Variants in PROS1 observed in about 807,000 individuals in gnomAD.
PROS1 encodes vitamin K-dependent protein S.
In PROS1, 29 loss-of-function variants were observed where a neutral mutation model predicts 75.9. The ratio of observed to expected loss-of-function variants is 0.38; its 90% CI spans 0.28 to 0.52. The LOEUF (loss-of-function observed/expected upper bound fraction) is 0.52, where lower values mean the gene tolerates loss of function less well. PROS1 is among the 20% of genes least tolerant of loss of function. PROS1 has a pLI of 0.83. For missense variants in PROS1, 680 were observed against 810.3 expected (o/e 0.84, Z 1.95); for synonymous variants, 245 against 280.6 (o/e 0.87, Z 1.27).
At chr3:93,917,263 GT>G (rs1708869710) in intron 3 of PROS1, among the ~76,000 whole-genome samples, 1 of 150,174 alleles carries the variant, frequency 6.7e-6, no homozygotes, top group Admixed American at 6.6e-5. Flanking sequence ...GGGTTATGTG[GT>G]TTTTGTTTTT....
At chr3:93,949,182 T>G (rs923926758) in intron 1 of PROS1, among the ~76,000 whole-genome samples, 8 of 152,120 alleles carry the variant, frequency 5.3e-5, no homozygotes, top group Non-Finnish European at 7.3e-5. Context: ...TCATCAACAT[T>G]TAAGCTAAGC....
Position 93,902,888 on chromosome 3 carries a change from GGTTT to G in PROS1, c.602-1963_602-1960del, listed in dbSNP as rs373959612. ...TTGTAATAGTGTTTTTTGTGGTTTT[GGTTT>G]GTTTGTTTGTTTGTTTGTTTTGAGA... On this transcript the variant is annotated intron_variant, in intron 6 of 14. Coordinates refer to ENST00000394236, the MANE Select transcript of PROS1 (RefSeq NM_000313.4). Among the ~76,000 whole-genome samples the G allele has an allele frequency of 7.1e-3, 1,079 of 152,014 alleles. 9 individuals carry two copies. Among genetic ancestry groups the G allele is most frequent in the African/African-American group, 0.024 (998 of 41,482 alleles).
At chr3:93,952,363 A>G (rs1365088508) in intron 1 of PROS1, among the ~76,000 whole-genome samples, 1 of 152,186 alleles carries the variant, frequency 6.6e-6, no homozygotes, top group African/African-American at 2.4e-5. Context: ...AAGAACAGAA[A>G]TTATAACAAA....
At chr3:93,962,208 T>C (rs149565252) in intron 1 of PROS1, among the ~76,000 whole-genome samples, 72 of 152,126 alleles carry the variant, frequency 4.7e-4, no homozygotes, top group Admixed American at 3.7e-3. Flanking sequence ...CTGGGGTGTG[T>C]GTAGTGATCA....
Position 93,884,857 on chromosome 3 carries a change from A to C in PROS1, c.1363T>G (p.Leu455Val), listed in dbSNP as rs1297691090. Residue 455 changes from leucine to valine, a missense_variant, in exon 12 of 15, where the codon TTG becomes GTG. By Grantham distance (32) the Leu-to-Val change is conservative. Coordinates refer to ENST00000394236, the MANE Select transcript of PROS1 (RefSeq NM_000313.4). Reference protein sequence around the residue: ...RLDGCIRSWNLMKQGASGIKE... With the variant: ...RLDGCIRSWNVMKQGASGIKE... ...ATTCCAGAAGCTCCTTGCTTCATCA[A>C]ATTCCAGCTTCGTATACATCCATCT... 6.2e-7 allele frequency: 1 copy of C among 1,613,360 alleles called. No homozygotes were observed. The highest frequency in any genetic ancestry group is 8.5e-7 in the Non-Finnish European group (1 of 1,179,746).
intron 13 of PROS1, among the ~76,000 whole-genome samples, chr3:93,877,994 A>G (rs1708216727): frequency 6.6e-6 from 1 of 152,178 alleles, no homozygotes; most frequent in Admixed American, 6.5e-5. Flanking sequence ...ATTAAAAGAG[A>G]TTGTCAATAA....
intron 1 of PROS1, among the ~76,000 whole-genome samples, chr3:93,947,724 A>G (rs1454441034): frequency 2.0e-5 from 3 of 151,186 alleles, no homozygotes; most frequent in Non-Finnish European, 2.9e-5. Context: ...CTGCCACCAC[A>G]CCCGGCTAAT....
intron 10 of PROS1, among the ~76,000 whole-genome samples, chr3:93,891,685 C>T (rs558369903): frequency 2.0e-5 from 3 of 152,268 alleles, no homozygotes; most frequent in African/African-American, 7.2e-5. Flanking sequence ...GCTGGGATTA[C>T]AGGCATGAGC....
intron 9 of PROS1, among the ~76,000 whole-genome samples, chr3:93,893,840 T>C (rs888944855): frequency 1.1e-4 from 17 of 152,170 alleles, no homozygotes; most frequent in African/African-American, 3.9e-4. Context: ...AGTCTACCCA[T>C]GTGTTTGGGG....
chr3:93,971,410 T>G (rs1049839953), intron 1 of PROS1, among the ~76,000 whole-genome samples: 1 of 150,736 alleles, frequency 6.6e-6, no homozygotes, highest in African/African-American at 2.4e-5. Flanking sequence ...TAATTCTAAA[T>G]AAAGAACTAC....
intron 1 of PROS1, among the ~76,000 whole-genome samples, chr3:93,968,831 C>A (rs1709827931): frequency 6.6e-6 from 1 of 152,128 alleles, no homozygotes; most frequent in Non-Finnish European, 1.5e-5. Flanking sequence ...AGGTGTGAAG[C>A]CCCTCCAGGA....
intron 12 of PROS1, among the ~76,000 whole-genome samples, chr3:93,880,931 TA>T: frequency 6.6e-6 from 1 of 152,324 alleles, no homozygotes; most frequent in South Asian, 2.1e-4. Flanking sequence ...ACCCCATTTA[TA>T]ACTTTAAAAA....
chr3:93,911,399 T>C (rs76444006), intron 3 of PROS1, among the ~76,000 whole-genome samples: 115 of 152,360 alleles, frequency 7.5e-4, no homozygotes, highest in Non-Finnish European at 1.4e-3. Flanking sequence ...AGACACCATA[T>C]GTATTACTTC....
intron 1 of PROS1, among the ~76,000 whole-genome samples, chr3:93,957,350 T>C (rs1559951550): frequency 6.6e-6 from 1 of 152,222 alleles, no homozygotes; most frequent in Non-Finnish European, 1.5e-5. Flanking sequence ...TGGTCAGTGG[T>C]ACTACAGATG....
In PROS1 at chr3:93,912,116, G is replaced by A. The variant is rs572933324; in HGVS notation, c.260-1411C>T. Among the ~76,000 whole-genome samples the A allele has an allele frequency of 4.6e-3, 697 of 152,230 alleles. 3 individuals carry two copies. Among genetic ancestry groups the A allele is most frequent in the Non-Finnish European group, 7.5e-3 (513 of 68,012 alleles). On this transcript the variant is annotated intron_variant, in intron 3 of 14. Transcript: ENST00000394236. Reference sequence around the variant, plus strand: ...GTGCCGAGAGTCCAAAACCAAAAGGGCTAGCAGGGATCCATTCCTTCTGGA... The same window carrying A: ...GTGCCGAGAGTCCAAAACCAAAAGGACTAGCAGGGATCCATTCCTTCTGGA...
chr3:93,956,533 T>TACACACAC (rs758070649), intron 1 of PROS1, among the ~76,000 whole-genome samples: 343 of 113,278 alleles, frequency 3.0e-3, no homozygotes, highest in Non-Finnish European at 3.7e-3. Context: ...TCTCTCTCTC[T>TACACACAC]ACACACACAC....
In PROS1 at chr3:93,877,197, G is replaced by A. The variant is rs1449484860; in HGVS notation, c.1645-6C>T. On this transcript the variant is annotated splice_polypyrimidine_tract_variant and splice_region_variant and intron_variant, in intron 13 of 14. Coordinates refer to ENST00000394236, the MANE Select transcript of PROS1 (RefSeq NM_000313.4). ...TCAACAGATAACAGAATATCCTGAA[G>A]AGCAGAGCAAAGATTCAATATAAGC... The A allele has an allele frequency of 3.8e-6, 6 of 1,576,130 alleles. No homozygotes were observed. The highest frequency in any genetic ancestry group is 1.7e-5 in the Admixed American group (1 of 59,892).
chr3:93,950,788 A>T (rs954998235), intron 1 of PROS1, among the ~76,000 whole-genome samples: 3 of 152,190 alleles, frequency 2.0e-5, no homozygotes, highest in Non-Finnish European at 4.4e-5. Context: ...TTCTCCTCCA[A>T]AGGAATGCAG....
intron 2 of PROS1, among the ~76,000 whole-genome samples, chr3:93,927,044 C>G (rs1709028661): frequency 6.6e-6 from 1 of 152,160 alleles, no homozygotes. Context: ...TTAGTCAGAA[C>G]AAGCTGTTAT....
Sources: gnomAD v4.1 joint callset for allele counts (sites outside exome capture counted in the v4.1 genomes callset) on GRCh38, gnomAD v4.1.1 for gene constraint, MANE v1.5 for transcripts, NCBI Gene and HGNC (gene_info 2026-07-23, HGNC 2026-07-21) for gene names.